RBMS1: variants seen among roughly 807,000 people sequenced by gnomAD.
The protein encoded by RBMS1 is RNA binding motif single stranded interacting protein 1.
A neutral mutation model predicts 62.3 loss-of-function variants in RBMS1; 17 were observed. The observed-to-expected ratio is 0.27, with a 90% CI of 0.19 to 0.41. The LOEUF is 0.41. RBMS1 is among the 10% of genes least tolerant of loss of function. The pLI is 1.00. For missense variants in RBMS1, 334 were observed against 504.5 expected (o/e 0.66, Z 3.24); for synonymous variants, 172 against 170.0 (o/e 1.01, Z -0.09).
intron 1 of RBMS1, among the ~76,000 whole-genome samples, chr2:160,472,746 G>C (rs548814239): frequency 6.1e-4 from 93 of 152,236 alleles, no homozygotes; most frequent in Non-Finnish European, 1.1e-3. Flanking sequence ...TATAAGTATT[G>C]CATTCTTTGA....
chr2:160,406,249 C>G (rs569268058), intron 1 of RBMS1, among the ~76,000 whole-genome samples: 1 of 152,280 alleles, frequency 6.6e-6, no homozygotes, highest in East Asian at 1.9e-4. Flanking sequence ...AGGCAGAAAA[C>G]ATTTCTTTTC....
Position 160,493,350 on chromosome 2 carries a change from C to T in RBMS1, c.14G>A (p.Trp5Ter). 1.2e-6 allele frequency: 2 copies of T among 1,613,378 alleles called. No homozygotes were observed. Among genetic ancestry groups the T allele is most frequent in the Non-Finnish European group, 1.7e-6 (2 of 1,179,572 alleles). ...GTACTGAGGGTACATCTGCTGTTTCCACACTTTGCCCATGAAGCTGGAAGG... is the reference window on the plus strand; with the variant it reads ...GTACTGAGGGTACATCTGCTGTTTCTACACTTTGCCCATGAAGCTGGAAGG... The part of the protein sequence containing the change: MGKV[W>*]KQQMYPQYAT... Residue 5 changes from tryptophan to a stop codon, truncating the protein, a stop_gained, in exon 1 of 14, where the codon TGG becomes TAG. Coordinates refer to ENST00000348849, the MANE Select transcript of RBMS1 (RefSeq NM_016836.4). LOFTEE classifies it high-confidence loss of function.
chr2:160,436,768 A>G (rs1450610884), intron 1 of RBMS1, among the ~76,000 whole-genome samples: 1 of 152,124 alleles, frequency 6.6e-6, no homozygotes, highest in Non-Finnish European at 1.5e-5. Flanking sequence ...GAAAAGGCCC[A>G]CCCAGACAGA....
intron 1 of RBMS1, among the ~76,000 whole-genome samples, chr2:160,398,428 T>C (rs954718916): frequency 2.6e-5 from 4 of 152,208 alleles, no homozygotes; most frequent in Non-Finnish European, 4.4e-5. Context: ...GTGAGGCAGC[T>C]TCTACTCTGA....
At chr2:160,287,497 G>T (rs562354313) in intron 6 of RBMS1, among the ~76,000 whole-genome samples, 2 of 152,264 alleles carry the variant, frequency 1.3e-5, no homozygotes, top group East Asian at 3.9e-4. Flanking sequence ...TCCTAAGAGG[G>T]ACCCTTCACT....
rs181063947 is a variant in RBMS1 at position 160,433,315 on chromosome 2, T to C, written c.75+59974A>G. ...CCATAGTCTCAGCTACTCGGGAGGC[T>C]GAGGTAGGAGGATCGCTTGAGCCTG... On this transcript the variant is annotated intron_variant, in intron 1 of 13. Coordinates refer to ENST00000348849, the MANE Select transcript of RBMS1 (RefSeq NM_016836.4). Among the ~76,000 whole-genome samples the C allele has an allele frequency of 3.4e-3, 517 of 152,148 alleles. 6 individuals carry two copies. The highest frequency in any genetic ancestry group is 0.012 in the African/African-American group (489 of 41,528).
intron 2 of RBMS1, among the ~76,000 whole-genome samples, chr2:160,321,909 T>C (rs1259198060): frequency 6.6e-6 from 1 of 152,230 alleles, no homozygotes; most frequent in Non-Finnish European, 1.5e-5. Flanking sequence ...TGCATTAATT[T>C]ACCTTAAATA....
chr2:160,444,151 T>C (rs1355407200), intron 1 of RBMS1, among the ~76,000 whole-genome samples: 1 of 152,232 alleles, frequency 6.6e-6, no homozygotes, highest in Non-Finnish European at 1.5e-5. Flanking sequence ...TGTGTGTGTG[T>C]GCGTATAAGA....
At chr2:160,354,695 C>T (rs1007762438) in intron 2 of RBMS1, among the ~76,000 whole-genome samples, 7 of 152,136 alleles carry the variant, frequency 4.6e-5, no homozygotes, top group Admixed American at 3.9e-4. Context: ...CAAACACATG[C>T]TGATCTCCCA....
At chr2:160,468,464 C>T (rs1684786407) in intron 1 of RBMS1, among the ~76,000 whole-genome samples, 1 of 152,080 alleles carries the variant, frequency 6.6e-6, no homozygotes, top group Admixed American at 6.5e-5. Flanking sequence ...GTTTTTACTG[C>T]CTAGCATTGG....
At chr2:160,359,001 G>A (rs903730210) in intron 2 of RBMS1, among the ~76,000 whole-genome samples, 5 of 151,846 alleles carry the variant, frequency 3.3e-5, no homozygotes, top group African/African-American at 1.2e-4. Flanking sequence ...AGCTCAATAT[G>A]TCCTAATCTC....
intron 4 of RBMS1, among the ~76,000 whole-genome samples, chr2:160,311,228 C>CTCTCTCTCTCTCTCTCTCTCTA (rs1689856905): frequency 1.3e-4 from 12 of 95,926 alleles, no homozygotes; most frequent in South Asian, 1.2e-3. Flanking sequence ...ATCTATCTAT[C>CTCTCTCTCTCTCTCTCTCTCTA]TATCTATATA....
intron 2 of RBMS1, among the ~76,000 whole-genome samples, chr2:160,356,607 A>G (rs1692814287): frequency 6.6e-6 from 1 of 152,274 alleles, no homozygotes; most frequent in Non-Finnish European, 1.5e-5. Flanking sequence ...CTAAGCAATA[A>G]GAAAAAGAAA....
At chr2:160,441,034 G>C (rs902394821) in intron 1 of RBMS1, among the ~76,000 whole-genome samples, 1 of 152,152 alleles carries the variant, frequency 6.6e-6, no homozygotes, top group Non-Finnish European at 1.5e-5. Flanking sequence ...TCCCTTTCCT[G>C]TCAACTCCCT....
chr2:160,482,686 G>A (rs1685419769), intron 1 of RBMS1, among the ~76,000 whole-genome samples: 1 of 152,050 alleles, frequency 6.6e-6, no homozygotes, highest in South Asian at 2.1e-4. Flanking sequence ...TAAAATATCT[G>A]GCTTCTTTTT....
chr2:160,448,983 GCCAC>G (rs1344561680), intron 1 of RBMS1, among the ~76,000 whole-genome samples: 23 of 151,632 alleles, frequency 1.5e-4, no homozygotes, highest in African/African-American at 4.9e-4. Flanking sequence ...CTGCCCGACC[GCCAC>G]CCTGTCTGGG....
chr2:160,396,221 T>C (rs1180324819), intron 1 of RBMS1, among the ~76,000 whole-genome samples: 2 of 152,212 alleles, frequency 1.3e-5, no homozygotes, highest in African/African-American at 4.8e-5. Context: ...ACGTTGGCCA[T>C]GTGGTTCAGT....
intron 2 of RBMS1, among the ~76,000 whole-genome samples, chr2:160,349,961 C>T (rs895321147): frequency 6.6e-6 from 1 of 151,610 alleles, no homozygotes; most frequent in Non-Finnish European, 1.5e-5. Flanking sequence ...TATGAAGGAA[C>T]AAGTCAGAAG....
intron 1 of RBMS1, among the ~76,000 whole-genome samples, chr2:160,428,791 G>A (rs1682762627): frequency 6.6e-6 from 1 of 152,208 alleles, no homozygotes; most frequent in African/African-American, 2.4e-5. Flanking sequence ...TGGCAATGGG[G>A]TGGGGATAAG....
Sources: allele counts gnomAD v4.1 joint callset (sites outside exome capture counted in the v4.1 genomes callset), GRCh38; gene constraint gnomAD v4.1.1; transcripts MANE v1.5; gene names NCBI Gene and HGNC (gene_info 2026-07-23, HGNC 2026-07-21).